Variants in PRKD1 observed in about 807,000 individuals in gnomAD.
PRKD1 encodes the protein protein kinase D1, also known as serine/threonine-protein kinase D1.
Under a neutral mutation model 95.9 loss-of-function variants are expected in PRKD1, and 63 were observed. That is an observed-to-expected ratio of 0.66 (90% CI 0.54 to 0.81). The LOEUF is 0.81. PRKD1 is among the 30% of genes least tolerant of loss of function. The probability of loss-of-function intolerance (pLI) is 0.00; values close to 1 mark genes in which losing one functional copy is unlikely to be tolerated. For synonymous variants in PRKD1, 425 were observed against 423.1 expected, an observed-to-expected ratio of 1.00 and a Z score of -0.05; for missense variants, 1,048 against 1,165.3, an observed-to-expected ratio of 0.90 and a Z score of 1.47.
chr14:29,827,902 T>C (rs1891259772), intron 1 of PRKD1, among the ~76,000 whole-genome samples: 1 of 152,144 alleles, frequency 6.6e-6, no homozygotes, highest in African/African-American at 2.4e-5. Flanking sequence ...CACCTTCTCC[T>C]ATCTTGATCT....
chr14:29,743,306 C>T (rs1887063577), intron 1 of PRKD1, among the ~76,000 whole-genome samples: 1 of 152,058 alleles, frequency 6.6e-6, no homozygotes, highest in African/African-American at 2.4e-5. Context: ...GTCATTTCAT[C>T]TAGATTCAGT....
chr14:29,771,584 G>A (rs939832847), intron 1 of PRKD1, among the ~76,000 whole-genome samples: 19 of 152,118 alleles, frequency 1.2e-4, no homozygotes, highest in Non-Finnish European at 2.5e-4. Context: ...TCCTCGGACA[G>A]CATTGAGGCC....
intron 2 of PRKD1, among the ~76,000 whole-genome samples, chr14:29,677,213 A>T (rs1883281436): frequency 6.6e-6 from 1 of 152,226 alleles, no homozygotes; most frequent in African/African-American, 2.4e-5. Flanking sequence ...GCTAACACTT[A>T]TCAAGCACTT....
intron 2 of PRKD1, among the ~76,000 whole-genome samples, chr14:29,694,586 G>A (rs1330072850): frequency 1.3e-5 from 2 of 152,220 alleles, no homozygotes; most frequent in East Asian, 3.8e-4. Flanking sequence ...AGTGAAGACT[G>A]CATGCCACTG....
chr14:29,665,942 T>G, intron 3 of PRKD1, 135 bp downstream of exon 3: 1 of 921,410 alleles, frequency 1.1e-6, no homozygotes, highest in Non-Finnish European at 1.6e-6. Flanking sequence ...TATGTATATA[T>G]GTACCACATT....
At chr14:29,820,774 G>C (rs1890879692) in intron 1 of PRKD1, among the ~76,000 whole-genome samples, 1 of 152,064 alleles carries the variant, frequency 6.6e-6, no homozygotes, top group Admixed American at 6.6e-5. Context: ...ACAATAAAAA[G>C]GTAAAGAAAG....
intron 1 of PRKD1, among the ~76,000 whole-genome samples, chr14:29,792,016 T>C (rs1466090215): frequency 6.6e-6 from 1 of 152,164 alleles, no homozygotes; most frequent in Non-Finnish European, 1.5e-5. Context: ...CAGTAAATCA[T>C]TTTAATTTTA....
At chr14:29,763,233 G>C (rs1200250509) in intron 1 of PRKD1, among the ~76,000 whole-genome samples, 3 of 149,730 alleles carry the variant, frequency 2.0e-5, no homozygotes, top group African/African-American at 7.4e-5. Flanking sequence ...AGAGGTTGAG[G>C]CTCCAGTGAG....
chr14:29,673,901 C>G (rs1046398991), intron 2 of PRKD1, among the ~76,000 whole-genome samples: 5 of 152,128 alleles, frequency 3.3e-5, no homozygotes, highest in Non-Finnish European at 5.9e-5. Flanking sequence ...AAGACCTGGA[C>G]TCTGATCCTG....
In PRKD1 at chr14:29,636,348, C is replaced by T. The variant is rs757417278; in HGVS notation, c.1132G>A (p.Asp378Asn). Residue 378 changes from aspartate (D) to asparagine (N), a missense_variant, in exon 7 of 18, where the codon GAC becomes AAC. This residue lies in a region of PRKD1 where 739 missense variants were observed against 861.9 expected (regional missense o/e 0.86). Transcript: ENST00000331968. ...AEMAMAECQN[D>N]SGEMQDPDPD... Reference sequence around the variant, plus strand: ...TCTGGATCTTGCATCTCGCCACTGTCGTTCTGGCACTCTGCCATTGCCATC... The same window carrying T: ...TCTGGATCTTGCATCTCGCCACTGTTGTTCTGGCACTCTGCCATTGCCATC... 2.4e-5 allele frequency: 39 copies of T among 1,614,086 alleles called. 1 individual carries two copies. In the South Asian group the frequency reaches 2.9e-4, roughly 12 times the overall value.
At chr14:29,687,606 T>C (rs1043569848) in intron 2 of PRKD1, among the ~76,000 whole-genome samples, 13 of 152,242 alleles carry the variant, frequency 8.5e-5, no homozygotes, top group Non-Finnish European at 1.6e-4. Flanking sequence ...AGAAGTTGTC[T>C]TTAGTTACTA....
At chr14:29,826,790 C>T (rs796986910) in intron 1 of PRKD1, among the ~76,000 whole-genome samples, 397 of 24,912 alleles carry the variant, frequency 0.016, 74 homozygotes, top group African/African-American at 0.043. Context: ...TACATATATA[C>T]ACATATATAT....
intron 1 of PRKD1, among the ~76,000 whole-genome samples, chr14:29,890,956 A>T (rs1332851656): frequency 6.6e-6 from 1 of 152,172 alleles, no homozygotes. Flanking sequence ...GTTTCTTGTG[A>T]TCAGTTTTAT....
At chr14:29,580,919 C>T (rs1892735725) in intron 16 of PRKD1, among the ~76,000 whole-genome samples, 1 of 151,954 alleles carries the variant, frequency 6.6e-6, no homozygotes. Context: ...CAAGCCCTGA[C>T]CCCGAAAAGC....
At position 29,601,726 on chromosome 14, in the gene PRKD1, C is replaced by T. The variant is rs45615832; in HGVS notation, c.1906-1909G>A. 1.6e-3 allele frequency among the ~76,000 whole-genome samples: 238 copies of T among 152,248 alleles called. 1 individual carries two copies. The highest frequency in any genetic ancestry group is 5.4e-3 in the African/African-American group (225 of 41,546). On this transcript the variant is annotated intron_variant, in intron 13 of 17. Coordinates refer to ENST00000331968, the MANE Select transcript of PRKD1 (RefSeq NM_002742.3). Reference sequence around the variant, plus strand: ...GAGGCTAAGGAGGCGACTAATATGACGACATACACTTGTTTGATAGGCACT... The same window carrying T: ...GAGGCTAAGGAGGCGACTAATATGATGACATACACTTGTTTGATAGGCACT...
chr14:29,886,232 T>C (rs924466465), intron 1 of PRKD1, among the ~76,000 whole-genome samples: 9 of 152,216 alleles, frequency 5.9e-5, no homozygotes, highest in Admixed American at 4.6e-4. Flanking sequence ...TACTCATTAA[T>C]ACTGTAGAAA....
At chr14:29,608,991 G>C (rs780200666) in intron 13 of PRKD1, among the ~76,000 whole-genome samples, 8 of 152,118 alleles carry the variant, frequency 5.3e-5, no homozygotes, top group Non-Finnish European at 1.0e-4. Context: ...CAAATGACAT[G>C]ACTTCAACAA....
chr14:29,746,897 T>C (rs116144705), intron 1 of PRKD1, among the ~76,000 whole-genome samples: 2,209 of 152,308 alleles, frequency 0.015, 56 homozygotes, highest in African/African-American at 0.046. Flanking sequence ...TAACAAATAT[T>C]AATATATTTT....
In PRKD1 at chr14:29,752,087, A is replaced by T. The variant is rs114395500; in HGVS notation, c.265-26413T>A. On this transcript the variant is annotated intron_variant, in intron 1 of 17. Coordinates refer to ENST00000331968, the MANE Select transcript of PRKD1 (RefSeq NM_002742.3). ...CAACCAATAGTGATGTCAGAACTAC[A>T]CTAATTGATACTTGCAATCATAGGT... 8.5e-3 allele frequency among the ~76,000 whole-genome samples: 1,302 copies of T among 152,320 alleles called. 22 individuals are homozygous for T. The highest frequency in any genetic ancestry group is 0.03 in the African/African-American group (1,240 of 41,572).
Sources: gnomAD v4.1 joint callset for allele counts (sites outside exome capture counted in the v4.1 genomes callset) on GRCh38, gnomAD v4.1.1 for gene constraint, gnomAD v4.1.1 regional missense constraint, MANE v1.5 for transcripts, NCBI Gene and HGNC (gene_info 2026-07-23, HGNC 2026-07-21) for gene names.